TBC1D5: variants seen among roughly 807,000 people sequenced by gnomAD.
The protein encoded by TBC1D5 is TBC1 domain family member 5, also known as TBC1 domain family, member 5.
TBC1D5 carries 75 observed loss-of-function variants against 100.3 expected under a neutral mutation model. That is an observed-to-expected ratio of 0.75 (90% CI 0.62 to 0.91). The LOEUF (loss-of-function observed/expected upper bound fraction) is 0.91. TBC1D5 is among the 40% of genes least tolerant of loss of function. The pLI is 0.00. For missense variants in TBC1D5, 910 were observed against 942.4 expected, an observed-to-expected ratio of 0.97 and a Z score of 0.45; for synonymous variants, 323 against 325.6, an observed-to-expected ratio of 0.99 and a Z score of 0.09.
chr3:17,295,818 C>A (rs1289841181), intron 14 of TBC1D5, among the ~76,000 whole-genome samples: 2 of 152,150 alleles, frequency 1.3e-5, no homozygotes, highest in South Asian at 2.1e-4. Context: ...TTATCAAGTA[C>A]CTATAATATG....
In TBC1D5 at chr3:17,374,345, T is replaced by C. The variant is rs543770948; in HGVS notation, c.822+126A>G. On this transcript the variant is annotated intron_variant, in intron 12 of 21. Transcript: ENST00000253692. ...GATCCCCAGGCTCAATCTTATTCCA[T>C]AGGTAATTTCATTTTGGTTACAGCA... 19 of 812,630 alleles carry C rather than the reference T, an allele frequency of 2.3e-5. No homozygotes were observed. In the South Asian group the frequency reaches 2.7e-4, roughly 11 times the overall value. The allele number at this position is 812,630 out of a possible 1,614,324, so 50.3% of individuals were successfully genotyped here. A position where few individuals can be genotyped will look rare whatever the true frequency, so the allele number is the denominator to read the frequency against.
At chr3:17,487,840 C>T (rs1472214038) in intron 3 of TBC1D5, among the ~76,000 whole-genome samples, 1 of 152,026 alleles carries the variant, frequency 6.6e-6, no homozygotes, top group Non-Finnish European at 1.5e-5. Flanking sequence ...TTTTTAAAAG[C>T]AATTTTGAGC....
intron 2 of TBC1D5, among the ~76,000 whole-genome samples, chr3:17,594,855 T>C (rs1169696269): frequency 6.6e-6 from 1 of 152,106 alleles, no homozygotes; most frequent in Non-Finnish European, 1.5e-5. Flanking sequence ...CGTGTGATGG[T>C]TAATACGGAG....
chr3:17,274,687 C>T (rs138004432), intron 15 of TBC1D5, among the ~76,000 whole-genome samples: 154 of 152,272 alleles, frequency 1.0e-3, no homozygotes, highest in African/African-American at 3.5e-3. Context: ...ACCATGCAGG[C>T]ACCATACAAT....
At chr3:17,187,439 C>T (rs149154656) in intron 18 of TBC1D5, among the ~76,000 whole-genome samples, 36 of 152,248 alleles carry the variant, frequency 2.4e-4, no homozygotes, top group African/African-American at 8.2e-4. Flanking sequence ...GTTCTAGACA[C>T]GTGAATAAAG....
At chr3:17,308,006 T>C (rs79960281) in exon 14 of TBC1D5, 31,432 of 1,603,260 alleles carry the variant, frequency 0.02, 359 homozygotes, top group Non-Finnish European at 0.023. Context: ...ATCTCGGATG[T>C]AAAGTAACAT....
intron 16 of TBC1D5, among the ~76,000 whole-genome samples, chr3:17,240,968 T>C (rs992334424): frequency 6.6e-6 from 1 of 152,210 alleles, no homozygotes; most frequent in Non-Finnish European, 1.5e-5. Context: ...TTCATCTGAA[T>C]AGCTCTTAAA....
chr3:17,730,361 T>C (rs1281268194), intron 1 of TBC1D5, among the ~76,000 whole-genome samples: 1 of 152,236 alleles, frequency 6.6e-6, no homozygotes, highest in South Asian at 2.1e-4. Flanking sequence ...TAATGCTCTA[T>C]CAGTTCCTAG....
intron 19 of TBC1D5, among the ~76,000 whole-genome samples, chr3:17,174,359 T>G (rs1559350043): frequency 6.6e-6 from 1 of 152,208 alleles, no homozygotes; most frequent in Non-Finnish European, 1.5e-5. Flanking sequence ...TCTTATCACT[T>G]TGAAACCCCA....
chr3:17,698,372 C>T (rs2072510266), intron 1 of TBC1D5, among the ~76,000 whole-genome samples: 1 of 151,468 alleles, frequency 6.6e-6, no homozygotes, highest in African/African-American at 2.4e-5. Context: ...CCCTTCCTTA[C>T]ACCTTATACA....
chr3:17,571,491 T>C (rs544685310), intron 2 of TBC1D5, among the ~76,000 whole-genome samples: 24 of 152,188 alleles, frequency 1.6e-4, no homozygotes, highest in Middle Eastern at 3.4e-3. Context: ...TTCAAGTGAA[T>C]TGAAAAAATC....
At chr3:17,699,523 C>A (rs2072793822) in intron 1 of TBC1D5, among the ~76,000 whole-genome samples, 1 of 113,750 alleles carries the variant, frequency 8.8e-6, no homozygotes, top group African/African-American at 3.0e-5. Context: ...TGCACATGTA[C>A]CCTAAAACTT....
chr3:17,405,018 C>T (rs756976059), intron 5 of TBC1D5, 57 bp from the exon 6 acceptor site: 3 of 1,058,478 alleles, frequency 2.8e-6, no homozygotes, highest in East Asian at 2.5e-5. Context: ...AAATGTGAAA[C>T]TATGCCAAAC....
At chr3:17,318,798 C>A (rs2085017718) in intron 13 of TBC1D5, among the ~76,000 whole-genome samples, 1 of 152,186 alleles carries the variant, frequency 6.6e-6, no homozygotes, top group Admixed American at 6.5e-5. Flanking sequence ...ATAGTATCTA[C>A]TATTGCTATG....
intron 2 of TBC1D5, among the ~76,000 whole-genome samples, chr3:17,555,238 G>T (rs1411162210): frequency 6.6e-6 from 1 of 152,110 alleles, no homozygotes; most frequent in Non-Finnish European, 1.5e-5. Context: ...AATCAATTTA[G>T]AAGTTTATTT....
chr3:17,371,584 G>C (rs908703993), intron 13 of TBC1D5, among the ~76,000 whole-genome samples: 20 of 152,078 alleles, frequency 1.3e-4, no homozygotes, highest in African/African-American at 4.6e-4. Context: ...ATTACAAAGA[G>C]TATTAGATGA....
chr3:17,240,379 A>G (rs2076208028), intron 16 of TBC1D5, among the ~76,000 whole-genome samples: 1 of 152,208 alleles, frequency 6.6e-6, no homozygotes. Context: ...GAACTGAGCT[A>G]TGTAAATGTC....
intron 2 of TBC1D5, among the ~76,000 whole-genome samples, chr3:17,595,614 A>G (rs1263803286): frequency 6.6e-6 from 1 of 152,226 alleles, no homozygotes; most frequent in Admixed American, 6.5e-5. Context: ...CTTCACAGTA[A>G]TCTTAAAATG....
intron 3 of TBC1D5, among the ~76,000 whole-genome samples, chr3:17,485,461 T>A (rs532036415): frequency 1.1e-4 from 17 of 150,746 alleles, no homozygotes; most frequent in Admixed American, 5.3e-4. Context: ...ATTAGGTGTA[T>A]CTCCTAATGC....
Sources: allele counts gnomAD v4.1 joint callset (sites outside exome capture counted in the v4.1 genomes callset), GRCh38; gene constraint gnomAD v4.1.1; transcripts MANE v1.5; gene names NCBI Gene and HGNC (gene_info 2026-07-23, HGNC 2026-07-21).